CACNB2: variants seen among roughly 807,000 people sequenced by gnomAD.
CACNB2 encodes the protein voltage-dependent L-type calcium channel subunit beta-2.
Under a neutral mutation model 73.3 loss-of-function variants are expected in CACNB2, and 42 were observed. The ratio of observed to expected loss-of-function variants is 0.57; its 90% confidence interval spans 0.45 to 0.74. CACNB2 has a LOEUF of 0.74. Ranked by LOEUF, CACNB2 falls within the 30% of genes least tolerant of loss-of-function variation. The pLI, the probability that CACNB2 is intolerant of heterozygous loss-of-function variation, is 0.00. For synonymous variants in CACNB2, 348 were observed against 310.3 expected (o/e 1.12, Z -1.28); for missense variants, 940 against 853.0 (o/e 1.10, Z -1.27).
intron 2 of CACNB2, among the ~76,000 whole-genome samples, chr10:18,338,758 T>G (rs2041113290): frequency 6.8e-6 from 1 of 147,640 alleles, no homozygotes; most frequent in East Asian, 2.0e-4. Flanking sequence ...TTTTTTTTTT[T>G]GAAAGAGGGT....
At chr10:18,345,252 C>A (rs1443396782) in intron 2 of CACNB2, among the ~76,000 whole-genome samples, 2 of 152,070 alleles carry the variant, frequency 1.3e-5, no homozygotes, top group Non-Finnish European at 2.9e-5. Context: ...CTTTTGATAT[C>A]TTTTTTTCCA....
intron 2 of CACNB2, among the ~76,000 whole-genome samples, chr10:18,312,361 T>A (rs1184573111): frequency 1.3e-5 from 2 of 152,124 alleles, no homozygotes; most frequent in African/African-American, 2.4e-5. Flanking sequence ...CATAAAAAAA[T>A]ATTATTTATA....
intron 1 of CACNB2, 93 bp downstream of exon 1, chr10:18,140,949 C>G (rs2030321126): frequency 2.0e-6 from 3 of 1,528,420 alleles, no homozygotes; most frequent in Admixed American, 2.0e-5. Flanking sequence ...GCAGGGATCT[C>G]TAGCCTCGCA....
Position 18,140,479 on chromosome 10 carries a change from C to A in CACNB2, c.-258C>A, listed in dbSNP as rs2030266677. Among the ~76,000 whole-genome samples, 1 of 151,790 alleles carries A rather than the reference C, an allele frequency of 6.6e-6. No homozygotes were observed. Among genetic ancestry groups the A allele is most frequent in the African/African-American group, 2.4e-5 (1 of 41,396 alleles). ...CTGCCCCGCTGAGGGCTCCCCTCTC[C>A]CAGGCACCGCAGCCGCGCCCCCGCG... On this transcript the variant is annotated 5_prime_UTR_variant, in exon 1 of 14. Coordinates refer to ENST00000324631, the MANE Select transcript of CACNB2 (RefSeq NM_201596.3).
chr10:18,332,878 T>C (rs1442031438), intron 2 of CACNB2, among the ~76,000 whole-genome samples: 2 of 152,202 alleles, frequency 1.3e-5, no homozygotes, highest in East Asian at 1.9e-4. Context: ...TTCATTTTAA[T>C]GGTATGAAAA....
chr10:18,306,263 C>T (rs1039840271), intron 2 of CACNB2, among the ~76,000 whole-genome samples: 1 of 152,124 alleles, frequency 6.6e-6, no homozygotes, highest in Non-Finnish European at 1.5e-5. Flanking sequence ...TGGCCACAAT[C>T]ACTTGAGGAG....
chr10:18,259,409 A>C (rs980550871), intron 2 of CACNB2, among the ~76,000 whole-genome samples: 2 of 151,786 alleles, frequency 1.3e-5, no homozygotes, highest in African/African-American at 4.8e-5. Flanking sequence ...TCTATAAAAA[A>C]ATTTTTAAAA....
intron 3 of CACNB2, among the ~76,000 whole-genome samples, chr10:18,460,879 G>T (rs990165037): frequency 9.9e-6 from 1 of 100,840 alleles, no homozygotes; most frequent in African/African-American, 3.8e-5. Flanking sequence ...GAAAAAGCAA[G>T]ATCTTTCCAA....
At chr10:18,484,176 T>C (rs1432973247) in intron 3 of CACNB2, among the ~76,000 whole-genome samples, 1 of 152,086 alleles carries the variant, frequency 6.6e-6, no homozygotes, top group East Asian at 1.9e-4. Flanking sequence ...GGCAGATCAC[T>C]TGAGGTCAGG....
chr10:18,186,788 A>T (rs1337790258), intron 2 of CACNB2, among the ~76,000 whole-genome samples: 2 of 152,210 alleles, frequency 1.3e-5, no homozygotes, highest in Non-Finnish European at 2.9e-5. Flanking sequence ...AACACTGAGG[A>T]TTACAATTCA....
intron 3 of CACNB2, among the ~76,000 whole-genome samples, chr10:18,460,602 G>C (rs1318057922): frequency 1.3e-5 from 2 of 152,078 alleles, no homozygotes; most frequent in African/African-American, 4.8e-5. Context: ...AATAAATAAA[G>C]GATTCTGGTT....
chr10:18,249,907 C>G (rs901093258), intron 2 of CACNB2, among the ~76,000 whole-genome samples: 14 of 152,062 alleles, frequency 9.2e-5, no homozygotes, highest in African/African-American at 3.4e-4. Context: ...TGATCCTGCT[C>G]CTCCCTAAAT....
chr10:18,526,392 C>T (rs920558799), intron 9 of CACNB2, among the ~76,000 whole-genome samples: 5 of 152,144 alleles, frequency 3.3e-5, no homozygotes, highest in African/African-American at 1.2e-4. Context: ...GTATTGCCTG[C>T]AAGATAACAA....
At chr10:18,484,592 A>G (rs115282931) in intron 3 of CACNB2, among the ~76,000 whole-genome samples, 71 of 152,226 alleles carry the variant, frequency 4.7e-4, no homozygotes, top group African/African-American at 1.6e-3. Context: ...GTGAACCCAG[A>G]CACCTGAGAA....
intron 3 of CACNB2, among the ~76,000 whole-genome samples, chr10:18,452,497 A>G (rs559772618): frequency 6.6e-6 from 1 of 152,334 alleles, no homozygotes; most frequent in Admixed American, 6.5e-5. Context: ...TCAAAAGACT[A>G]TCTTCAATTA....
intron 2 of CACNB2, among the ~76,000 whole-genome samples, chr10:18,205,896 C>T (rs1254096212): frequency 6.6e-6 from 1 of 152,162 alleles, no homozygotes; most frequent in Admixed American, 6.6e-5. Context: ...TGCAAGGGTT[C>T]CATCTGTTGA....
Position 18,281,113 on chromosome 10 carries a change from C to T in CACNB2, c.214-120811C>T, listed in dbSNP as rs530092658. The stretch of plus-strand genomic sequence containing the variant: ...TTCTTCCACCATTCTTAGACCATCT[C>T]TATTTGAGTCTATCTGATTGTTTGG... On this transcript the variant is annotated intron_variant, in intron 2 of 13. Coordinates refer to ENST00000324631, the MANE Select transcript of CACNB2 (RefSeq NM_201596.3). Among the ~76,000 whole-genome samples, 210 of 152,322 alleles carry T rather than the reference C, an allele frequency of 1.4e-3. 1 individual carries two copies. The highest frequency in any genetic ancestry group is 4.6e-3 in the African/African-American group (190 of 41,582).
chr10:18,161,704 A>C (rs2032477074), intron 2 of CACNB2, among the ~76,000 whole-genome samples: 1 of 151,256 alleles, frequency 6.6e-6, no homozygotes, highest in Admixed American at 6.6e-5. Flanking sequence ...CAGGTGAATC[A>C]CCTGTGGTCA....
chr10:18,366,725 G>A (rs558504900), intron 2 of CACNB2, among the ~76,000 whole-genome samples: 1 of 152,048 alleles, frequency 6.6e-6, no homozygotes, highest in African/African-American at 2.4e-5. Flanking sequence ...GGGAGGCAGA[G>A]GTTGCAGCGA....
Sources: allele counts gnomAD v4.1 joint callset (sites outside exome capture counted in the v4.1 genomes callset), GRCh38; gene constraint gnomAD v4.1.1; transcripts MANE v1.5; gene names NCBI Gene and HGNC (gene_info 2026-07-23, HGNC 2026-07-21).